Variants in MBD5 observed in about 807,000 individuals in gnomAD.
MBD5 encodes the protein methyl-CpG binding domain protein 5, also known as methyl-CpG-binding domain protein 5.
Under a neutral mutation model 117.3 loss-of-function variants are expected in MBD5, and 13 were observed. The ratio of observed to expected loss-of-function variants is 0.11; its 90% CI spans 0.07 to 0.18. The LOEUF is 0.18. Among genes scored for constraint, MBD5 ranks in the 10% least tolerant of loss-of-function variants. The probability of loss-of-function intolerance (pLI) is 1.00; values close to 1 mark genes in which losing one functional copy is unlikely to be tolerated. For missense variants in MBD5, 1,879 were observed against 2,093.8 expected (o/e 0.90, Z 2.00); for synonymous variants, 727 against 766.4 (o/e 0.95, Z 0.85).
intron 3 of MBD5, among the ~76,000 whole-genome samples, chr2:148,272,587 G>A (rs1018426587): frequency 5.3e-5 from 8 of 152,088 alleles, no homozygotes; most frequent in Non-Finnish European, 8.8e-5. Flanking sequence ...GTCTTCGTTT[G>A]AGAAATGTCT....
intron 12 of MBD5, among the ~76,000 whole-genome samples, chr2:148,504,498 C>T (rs772183635): frequency 2.0e-5 from 3 of 152,136 alleles, no homozygotes; most frequent in Non-Finnish European, 4.4e-5. Context: ...TTAATTTATG[C>T]ATTTATTCCC....
At chr2:148,117,201 C>T (rs1227477) in intron 1 of MBD5, among the ~76,000 whole-genome samples, 146,596 of 152,170 alleles carry the variant, frequency 0.96, 70,847 homozygotes, top group East Asian at 1. Context: ...AAAAAGGCAT[C>T]TCTAGAATGT....
chr2:148,133,581 T>G (rs1171993926), intron 1 of MBD5, among the ~76,000 whole-genome samples: 3 of 152,212 alleles, frequency 2.0e-5, no homozygotes, highest in Non-Finnish European at 4.4e-5. Flanking sequence ...CCCAGCACTT[T>G]GGGAAGCCAA....
At chr2:148,505,509 G>C (rs1396143232) in intron 12 of MBD5, among the ~76,000 whole-genome samples, 1 of 152,152 alleles carries the variant, frequency 6.6e-6, no homozygotes, top group Non-Finnish European at 1.5e-5. Context: ...ATGATCAACA[G>C]AGGTGCAGTA....
chr2:148,305,611 G>A (rs1224711633), intron 3 of MBD5, among the ~76,000 whole-genome samples: 1 of 152,132 alleles, frequency 6.6e-6, no homozygotes, highest in East Asian at 1.9e-4. Flanking sequence ...CTTTCTGAGG[G>A]GCCCAAACAG....
At chr2:148,040,328 G>A (rs1277236920) in intron 1 of MBD5, among the ~76,000 whole-genome samples, 2 of 152,018 alleles carry the variant, frequency 1.3e-5, no homozygotes, top group African/African-American at 4.8e-5. Flanking sequence ...CTGCACTCCA[G>A]CCTTTCATAA....
At chr2:148,341,933 T>C (rs1437426776) in intron 3 of MBD5, among the ~76,000 whole-genome samples, 1 of 152,026 alleles carries the variant, frequency 6.6e-6, no homozygotes, top group Admixed American at 6.6e-5. Flanking sequence ...TATACAAAAT[T>C]ATACTACTAT....
chr2:148,451,077 G>A (rs11690040), intron 4 of MBD5, among the ~76,000 whole-genome samples: 36,037 of 152,052 alleles, frequency 0.24, 5,462 homozygotes, highest in Non-Finnish European at 0.33. Flanking sequence ...AACGGTCAAG[G>A]ACATCTGAAG....
intron 1 of MBD5, among the ~76,000 whole-genome samples, chr2:148,066,648 T>G (rs985998602): frequency 1.3e-5 from 2 of 152,026 alleles, no homozygotes; most frequent in Non-Finnish European, 1.5e-5. Flanking sequence ...CGGCTAATTT[T>G]TTGTATTTTA....
At chr2:148,152,904 C>A (rs1454663220) in intron 1 of MBD5, among the ~76,000 whole-genome samples, 1 of 151,978 alleles carries the variant, frequency 6.6e-6, no homozygotes, top group African/African-American at 2.4e-5. Flanking sequence ...ATTTGCCAGT[C>A]TCTGTCTTTT....
intron 3 of MBD5, among the ~76,000 whole-genome samples, chr2:148,320,757 T>C (rs1193038502): frequency 6.6e-6 from 1 of 152,202 alleles, no homozygotes; most frequent in African/African-American, 2.4e-5. Flanking sequence ...AGGTTGTATG[T>C]TTCTATCCCT....
chr2:148,360,836 CAAAT>C (rs1703511057), intron 4 of MBD5, among the ~76,000 whole-genome samples: 1 of 152,006 alleles, frequency 6.6e-6, no homozygotes, highest in African/African-American at 2.4e-5. Flanking sequence ...TATTCAAAAA[CAAAT>C]AAAAAATAAT....
At chr2:148,159,497 C>T (rs1387266255) in intron 1 of MBD5, among the ~76,000 whole-genome samples, 1 of 151,854 alleles carries the variant, frequency 6.6e-6, no homozygotes, top group East Asian at 2.0e-4. Context: ...TGTTTCCCAG[C>T]CTGGTCTTGA....
chr2:148,036,731 T>G (rs942761293), intron 1 of MBD5, among the ~76,000 whole-genome samples: 2 of 152,100 alleles, frequency 1.3e-5, no homozygotes, highest in African/African-American at 4.8e-5. Flanking sequence ...ATTTCATTTC[T>G]ATTAAGTGAT....
At chr2:148,385,787 A>AG (rs397951151) in intron 4 of MBD5, among the ~76,000 whole-genome samples, 1 of 151,122 alleles carries the variant, frequency 6.6e-6, no homozygotes, top group Non-Finnish European at 1.5e-5. Flanking sequence ...GCCATAAAAA[A>AG]GGATGAGTTC....
chr2:148,500,706 A>G (rs1385108021), intron 11 of MBD5, among the ~76,000 whole-genome samples: 2 of 152,268 alleles, frequency 1.3e-5, no homozygotes, highest in East Asian at 3.9e-4. Flanking sequence ...GTCCCTCGCT[A>G]CACCAGTTTA....
At position 148,468,581 on chromosome 2, in the gene MBD5, C is replaced by T. The variant is rs755861220; in HGVS notation, c.638C>T (p.Pro213Leu). 6.2e-7 allele frequency: 1 copy of T among 1,613,916 alleles called. No individual in the cohort carries two copies. The highest frequency in any genetic ancestry group is 1.1e-5 in the South Asian group (1 of 91,082). Residue 213 changes from proline (P) to leucine (L), a missense_variant, in exon 8 of 14, where the codon CCA becomes CTA. Pro to Leu is a moderately conservative substitution (Grantham distance 98). Transcript: ENST00000642680. ...AGCAGTGAACATGGACAGAAATCTCCATTCCGTGGCAGCCATGGAGGCCTG... is the reference window on the plus strand; with the variant it reads ...AGCAGTGAACATGGACAGAAATCTCTATTCCGTGGCAGCCATGGAGGCCTG... ...LGSSEHGQKS[P>L]FRGSHGGLPS...
At chr2:148,116,660 C>T (rs922543374) in intron 1 of MBD5, among the ~76,000 whole-genome samples, 1 of 152,130 alleles carries the variant, frequency 6.6e-6, no homozygotes, top group African/African-American at 2.4e-5. Flanking sequence ...CAATTCCTCT[C>T]CATATAACTG....
chr2:148,447,540 C>T (rs1210825895), intron 4 of MBD5: 3 of 152,086 alleles, frequency 2.0e-5, no homozygotes, highest in African/African-American at 4.8e-5. Context: ...AACCTTCAGC[C>T]TTATCTCAAG....
Sources: gnomAD v4.1 joint callset for allele counts (sites outside exome capture counted in the v4.1 genomes callset) on GRCh38, gnomAD v4.1.1 for gene constraint, MANE v1.5 for transcripts, NCBI Gene and HGNC (gene_info 2026-07-23, HGNC 2026-07-21) for gene names.